Variants in SCAI observed in about 807,000 individuals in gnomAD.
The protein encoded by SCAI is protein SCAI.
Under a neutral mutation model 92.2 loss-of-function variants are expected in SCAI, and 24 were observed. The observed-to-expected ratio is 0.26, with a 90% CI of 0.19 to 0.37. The LOEUF (loss-of-function observed/expected upper bound fraction) is 0.37, where lower values mean the gene tolerates loss of function less well. Among genes scored for constraint, SCAI ranks in the 10% least tolerant of loss-of-function variants. SCAI has a pLI of 1.00. For missense variants in SCAI, 450 were observed against 736.2 expected (o/e 0.61, Z 4.50); for synonymous variants, 261 against 258.6 (o/e 1.01, Z -0.09).
intron 9 of SCAI, among the ~76,000 whole-genome samples, chr9:125,018,091 TTTATTA>T (rs1052355608): frequency 6.6e-5 from 10 of 151,894 alleles, no homozygotes; most frequent in African/African-American, 1.7e-4. Flanking sequence ...TTTTGGAAAC[TTTATTA>T]TTATTATTAA....
rs1378978049 is a variant in SCAI at position 124,950,729 on chromosome 9, T to G, written c.*2078A>C. On this transcript the variant is annotated 3_prime_UTR_variant, in exon 18 of 18. Coordinates refer to ENST00000336505, the MANE Select transcript of SCAI (RefSeq NM_001144877.3). ...TTTCCCAAGCTTTCTGAAATACTGT[T>G]TGAAAGAACAAACAAAAAAATTTTT... 6.6e-6 allele frequency: 1 copy of G among 151,984 alleles called. No homozygotes were observed. The highest frequency in any genetic ancestry group is 1.5e-5 in the Non-Finnish European group (1 of 67,982). The allele number at this position is 151,984 out of a possible 1,614,324, so 9.4% of individuals were successfully genotyped here. A position where few individuals can be genotyped will look rare whatever the true frequency, so the allele number is the denominator to read the frequency against.
At chr9:124,999,739 G>A in intron 13 of SCAI, 152 bp downstream of exon 13, 3 of 523,174 alleles carry the variant, frequency 5.7e-6, no homozygotes, top group Non-Finnish European at 9.8e-6. Flanking sequence ...ATTATTGCTG[G>A]AATCCAAATA....
chr9:125,096,015 C>G (rs1834544485), intron 2 of SCAI, among the ~76,000 whole-genome samples: 1 of 152,226 alleles, frequency 6.6e-6, no homozygotes, highest in African/African-American at 2.4e-5. Flanking sequence ...ACAGCCAGCA[C>G]CTGCAGGTCT....
intron 2 of SCAI, among the ~76,000 whole-genome samples, chr9:125,075,034 T>A (rs912515211): frequency 6.6e-6 from 1 of 152,054 alleles, no homozygotes; most frequent in East Asian, 1.9e-4. Flanking sequence ...GACCAGTTAG[T>A]TGGTTATCTA....
In SCAI at chr9:125,001,861, T is replaced by A. The variant is rs1832368059; in HGVS notation, c.1144+104A>T. 1.6e-5 allele frequency: 11 copies of A among 695,560 alleles called. No individual in the cohort carries two copies. The East Asian group carries it at 2.7e-4, about 17-fold the overall frequency. 43.1% of individuals were successfully genotyped at this position (695,560 alleles called of 1,614,324 possible). ...AGACCAGGTTTCAAATTTGGAAGTC[T>A]GTCTAGAAAGGCTGAGATGGTCTGT... On this transcript the variant is annotated intron_variant, in intron 12 of 17. Transcript: ENST00000336505.
chr9:125,044,160 C>G (rs1833388185), intron 3 of SCAI, among the ~76,000 whole-genome samples: 1 of 152,056 alleles, frequency 6.6e-6, no homozygotes, highest in Non-Finnish European at 1.5e-5. Context: ...CTGCCTCAGC[C>G]CTCTCCAGAC....
intron 2 of SCAI, among the ~76,000 whole-genome samples, chr9:125,141,079 C>T (rs1293731046): frequency 3.9e-5 from 6 of 152,134 alleles, no homozygotes; most frequent in Admixed American, 3.3e-4. Flanking sequence ...TACAGACTCA[C>T]ATACCCAAGT....
chr9:125,052,336 C>T (rs1286132604), intron 3 of SCAI, among the ~76,000 whole-genome samples: 2 of 152,024 alleles, frequency 1.3e-5, no homozygotes, highest in Non-Finnish European at 2.9e-5. Context: ...TTTGGGAGGT[C>T]GAGGCGGGTG....
chr9:125,049,369 TCTCA>T (rs1339406997), intron 3 of SCAI, among the ~76,000 whole-genome samples: 1 of 152,182 alleles, frequency 6.6e-6, no homozygotes, highest in Non-Finnish European at 1.5e-5. Flanking sequence ...CCTTATATAA[TCTCA>T]CTAAGTATTC....
At position 125,019,040 on chromosome 9, in the gene SCAI, A is replaced by G; in HGVS notation, c.708+67T>C. ...TTCCTTCTTCTTGACATATACACACAATAAAAACATAAACTACACGGTCAT... is the reference window on the plus strand; with the variant it reads ...TTCCTTCTTCTTGACATATACACACGATAAAAACATAAACTACACGGTCAT... On this transcript the variant is annotated intron_variant, in intron 8 of 17. Transcript: ENST00000336505. The G allele has an allele frequency of 3.9e-6, 6 of 1,528,422 alleles. 1 individual carries two copies. The highest frequency in any genetic ancestry group is 5.4e-6 in the Non-Finnish European group (6 of 1,115,446). The allele number at this position is 1,528,422 out of a possible 1,614,324, so 94.7% of individuals were successfully genotyped here.
Position 125,056,055 on chromosome 9 carries a change from AG to A in SCAI, c.99-49del, listed in dbSNP as rs778964739. On this transcript the variant is annotated intron_variant, in intron 2 of 17. Transcript: ENST00000336505. ...TCATGCAGGAGGTAAAAATAAAAATAGAAAAAAACCTTAGTTATATCATCTG... is the reference window on the plus strand; with the variant it reads ...TCATGCAGGAGGTAAAAATAAAAATAAAAAAAACCTTAGTTATATCATCTG... 14 of 1,445,760 alleles carry A rather than the reference AG, an allele frequency of 9.7e-6. No homozygotes were observed. The African/African-American group carries it at 9.9e-5, about 10-fold the overall frequency. 89.6% of individuals were successfully genotyped at this position (1,445,760 alleles called of 1,614,324 possible).
chr9:124,960,917 G>A (rs1163707701), intron 17 of SCAI, among the ~76,000 whole-genome samples: 1 of 152,028 alleles, frequency 6.6e-6, no homozygotes, highest in East Asian at 1.9e-4. Flanking sequence ...AGAAGTTTGA[G>A]GCCACCCTGG....
At chr9:125,068,942 G>A (rs894266343) in intron 2 of SCAI, among the ~76,000 whole-genome samples, 4 of 151,608 alleles carry the variant, frequency 2.6e-5, no homozygotes, top group South Asian at 2.1e-4. Flanking sequence ...TTGACCAGGC[G>A]CGGTGCCTCA....
At chr9:125,095,945 G>C (rs1001726384) in intron 2 of SCAI, among the ~76,000 whole-genome samples, 11 of 152,138 alleles carry the variant, frequency 7.2e-5, no homozygotes, top group Non-Finnish European at 1.3e-4. Flanking sequence ...TTGGGTGAGG[G>C]CTACAACTGC....
intron 14 of SCAI, among the ~76,000 whole-genome samples, chr9:124,982,076 A>G (rs1437917478): frequency 1.3e-5 from 2 of 152,096 alleles, no homozygotes; most frequent in African/African-American, 2.4e-5. Context: ...TTTGGGGTAA[A>G]GTTTTCTTTC....
At chr9:125,004,225 C>T (rs1832425142) in intron 9 of SCAI, among the ~76,000 whole-genome samples, 1 of 151,962 alleles carries the variant, frequency 6.6e-6, no homozygotes, top group African/African-American at 2.4e-5. Flanking sequence ...GTTCTACAAA[C>T]ATGTTAACCT....
chr9:125,124,562 T>C (rs1835222803), intron 2 of SCAI, among the ~76,000 whole-genome samples: 2 of 152,176 alleles, frequency 1.3e-5, no homozygotes, highest in Non-Finnish European at 2.9e-5. Flanking sequence ...AGAAGCTCCC[T>C]CTTGCTCAGT....
In SCAI at chr9:125,056,023, T is replaced by C. The variant is rs762813487; in HGVS notation, c.99-16A>G. On this transcript the variant is annotated splice_polypyrimidine_tract_variant and intron_variant, in intron 2 of 17. Coordinates refer to ENST00000336505, the MANE Select transcript of SCAI (RefSeq NM_001144877.3). ...AAATTCAGTCCTGTAAGAAAACATA[T>C]GTTCATTCATGCAGGAGGTAAAAAT... is the stretch of plus-strand genomic sequence containing the variant. 1.1e-5 allele frequency: 17 copies of C among 1,577,358 alleles called. No individual in the cohort carries two copies. The highest frequency in any genetic ancestry group is 2.2e-5 in the East Asian group (1 of 44,486).
chr9:125,029,803 G>C (rs1254487477), intron 3 of SCAI, 64 bp from the exon 4 acceptor site: 2 of 972,918 alleles, frequency 2.1e-6, no homozygotes, highest in South Asian at 1.8e-5. Context: ...ATTATGTCTT[G>C]TGATGGTACA....
Sources: allele counts gnomAD v4.1 joint callset (sites outside exome capture counted in the v4.1 genomes callset), GRCh38; gene constraint gnomAD v4.1.1; transcripts MANE v1.5; gene names NCBI Gene and HGNC (gene_info 2026-07-23, HGNC 2026-07-21).